MEIS3: variants seen among roughly 807,000 people sequenced by gnomAD.
MEIS3 encodes Meis homeobox 3, also known as homeobox protein Meis3.
In MEIS3, 38 loss-of-function variants were observed where a neutral mutation model predicts 51.4. The observed-to-expected ratio is 0.74, with a 90% CI of 0.57 to 0.97. The LOEUF is 0.97. MEIS3 is among the 50% of genes least tolerant of loss of function. The probability of loss-of-function intolerance (pLI) is 0.00; values close to 1 mark genes in which losing one functional copy is unlikely to be tolerated. For missense variants in MEIS3, 456 were observed against 502.6 expected, an observed-to-expected ratio of 0.91 and a Z score of 0.89; for synonymous variants, 198 against 201.8, an observed-to-expected ratio of 0.98 and a Z score of 0.16.
At chr19:47,420,940 A>ACACTCTCTCTCTCTCTCT (rs1187725467), upstream of MEIS3, among the ~76,000 whole-genome samples, 35 of 90,990 alleles carry the variant, frequency 3.8e-4, no homozygotes, top group African/African-American at 1.9e-3. Flanking sequence ...ACACACACAC[A>ACACTCTCTCTCTCTCTCT]CTCTCTCTCT....
Position 47,417,136 on chromosome 19 carries a change from CAGAG to C in MEIS3, c.185+38_185+41del, listed in dbSNP as rs566975884. 4.7e-4 allele frequency: 712 copies of C among 1,526,260 alleles called. 2 individuals are homozygous for C. Among genetic ancestry groups the C allele is most frequent in the Non-Finnish European group, 1.1e-4 (120 of 1,139,528 alleles). 94.5% of individuals were successfully genotyped at this position (1,526,260 alleles called of 1,614,324 possible). A position where few individuals can be genotyped will look rare whatever the true frequency, so the allele number is the denominator to read the frequency against. On this transcript the variant is annotated intron_variant, in intron 2 of 12. Coordinates refer to ENST00000558555, the MANE Select transcript of MEIS3 (RefSeq NM_001301059.2). ...CCCAGGGAGCAAAGAAGCAGAAAGA[CAGAG>C]AGAGAGAGACAGGAGCCTGAGACCC...
At chr19:47,414,647 T>A in intron 6 of MEIS3, 70 bp downstream of exon 6, 2 of 1,513,800 alleles carry the variant, frequency 1.3e-6, no homozygotes, top group South Asian at 2.5e-5. Flanking sequence ...GTAGTGCACA[T>A]GCGCCCTCAT....
chr19:47,415,882 T>C (rs1169226769), intron 4 of MEIS3: 1 of 152,154 alleles, frequency 6.6e-6, no homozygotes, highest in African/African-American at 2.4e-5. Context: ...CCTCTTTTTC[T>C]TTCTTTCTTT....
At chr19:47,421,325 C>T (rs1184256271), upstream of MEIS3, among the ~76,000 whole-genome samples, 1 of 152,190 alleles carries the variant, frequency 6.6e-6, no homozygotes, top group Non-Finnish European at 1.5e-5. Context: ...TGGGCGATCT[C>T]TCAGCGGACT....
intron 6 of MEIS3, among the ~76,000 whole-genome samples, chr19:47,413,891 C>A (rs182620984): frequency 1.1e-3 from 173 of 151,148 alleles, no homozygotes; most frequent in African/African-American, 3.9e-3. Context: ...CCACACCCAG[C>A]TAATTTTTTT....
chr19:47,411,306 G>A (rs1026750240), intron 6 of MEIS3, among the ~76,000 whole-genome samples: 1 of 152,104 alleles, frequency 6.6e-6, no homozygotes, highest in Non-Finnish European at 1.5e-5. Flanking sequence ...GCAGGGTCTG[G>A]GGCACAACCT....
chr19:47,413,584 T>C (rs942524516), intron 6 of MEIS3, among the ~76,000 whole-genome samples: 1 of 152,048 alleles, frequency 6.6e-6, no homozygotes, highest in Admixed American at 6.6e-5. Flanking sequence ...GCTTTGCCCC[T>C]GTACTCTGTA....
At chr19:47,411,031 G>C (rs1482329398) in intron 6 of MEIS3, among the ~76,000 whole-genome samples, 1 of 152,082 alleles carries the variant, frequency 6.6e-6, no homozygotes, top group African/African-American at 2.4e-5. Flanking sequence ...CTGCCTCCCA[G>C]GTTCACGTGA....
At position 47,406,897 on chromosome 19, in the gene MEIS3, G is replaced by A. The variant is rs1344246147; in HGVS notation, c.1069C>T (p.Arg357Trp). The A allele has an allele frequency of 3.8e-6, 6 of 1,572,234 alleles. No individual in the cohort carries two copies. Among genetic ancestry groups the A allele is most frequent in the Middle Eastern group, 2.0e-4 (1 of 4,936 alleles). The change falls in exon 11 of 13, where the codon CGG becomes TGG. Residue 357 changes from arginine (R) to tryptophan (W), a missense_variant. By Grantham distance (101) the Arg-to-Trp change is moderately radical. Transcript: ENST00000558555. ...YTETQPHVAV[R>W]PPGSVGMSLN... ...AGGGGGCGAGGCTTACCCGGAGGCCGGACGGCCACGTGTGGCTGCGTCTCG... is the reference window on the plus strand; with the variant it reads ...AGGGGGCGAGGCTTACCCGGAGGCCAGACGGCCACGTGTGGCTGCGTCTCG...
chr19:47,420,531 G>GAGAGAC (rs527872712), upstream of MEIS3, among the ~76,000 whole-genome samples: 100 of 141,912 alleles, frequency 7.0e-4, no homozygotes, highest in African/African-American at 2.6e-3. Context: ...CAGAGAGAGA[G>GAGAGAC]AGAGACAGAG....
chr19:47,406,163 G>A (rs1278109594), intron 12 of MEIS3: 4 of 295,010 alleles, frequency 1.4e-5, no homozygotes, highest in African/African-American at 4.4e-5. Context: ...GTAGGTGGGT[G>A]GACTAGGTTT....
rs370819846 is a variant in MEIS3, at chr19:47,414,835, C to T, written c.479G>A (p.Arg160His). Residue 160 changes from arginine (R) to histidine (H), a missense_variant, in exon 6 of 13, where the codon CGC becomes CAC. By Grantham distance (29) the Arg-to-His change is conservative (BLOSUM62 0). Transcript: ENST00000558555. ...VHDLCDNFCHRYITCLKGKMP... is the reference protein window; with the variant it reads ...VHDLCDNFCHHYITCLKGKMP... The stretch of plus-strand genomic sequence containing the variant: ...CTTTCCCTTGAGGCAGGTGATGTAG[C>T]GGTGACAGAAGTTGTCGCACAGGTC... 37 of 1,554,612 alleles carry T rather than the reference C, an allele frequency of 2.4e-5. No homozygotes were observed. Among genetic ancestry groups the T allele is most frequent in the Middle Eastern group, 1.7e-4 (1 of 5,772 alleles).
At chr19:47,421,751 T>C (rs1174723630), upstream of MEIS3, among the ~76,000 whole-genome samples, 2 of 151,760 alleles carry the variant, frequency 1.3e-5, no homozygotes, top group African/African-American at 2.4e-5. Flanking sequence ...CCTGGCTTTT[T>C]TTTTTTTTCT....
Position 47,408,447 on chromosome 19 carries a change from A to C in MEIS3, c.858+652T>G, listed in dbSNP as rs575864746. 2.1e-4 allele frequency among the ~76,000 whole-genome samples: 32 copies of C among 151,968 alleles called. 1 individual carries two copies. Among genetic ancestry groups the C allele is most frequent in the Admixed American group, 1.8e-3 (27 of 15,260 alleles). ...CTCCATTTCTCTCTTTGTGGCTCTC[A>C]CATTCTCTCTCTGACTCACTATCTC... On this transcript the variant is annotated intron_variant, in intron 8 of 12. Coordinates refer to ENST00000558555, the MANE Select transcript of MEIS3 (RefSeq NM_001301059.2).
At chr19:47,404,667 C>T (rs1013192303) in intron 12 of MEIS3, among the ~76,000 whole-genome samples, 1 of 152,146 alleles carries the variant, frequency 6.6e-6, no homozygotes, top group South Asian at 2.1e-4. Context: ...CCAGGCAGCC[C>T]TCCTTGAATC....
At chr19:47,407,466 C>T (rs745984665) in intron 8 of MEIS3, 38 bp from the exon 9 acceptor site, 27 of 1,613,628 alleles carry the variant, frequency 1.7e-5, no homozygotes, top group Non-Finnish European at 2.2e-5. Flanking sequence ...CCTGCCTGGC[C>T]GGCCGCAGTC....
intron 6 of MEIS3, 43 bp from the exon 7 acceptor site, chr19:47,409,590 G>T (rs375013307): frequency 6.9e-7 from 1 of 1,455,164 alleles, no homozygotes; most frequent in Non-Finnish European, 9.6e-7. Flanking sequence ...GCGGCCGGGC[G>T]CAGTGGCTCA....
rs369446113 is a variant in MEIS3, at chr19:47,417,924, CA to C, written c.13-575del. The C allele has an allele frequency of 1.6e-4, 90 of 566,866 alleles. No homozygotes were observed. The African/African-American group carries it at 1.6e-3, about 10-fold the overall frequency. 35.1% of individuals were successfully genotyped at this position (566,866 alleles called of 1,614,324 possible). The stretch of plus-strand genomic sequence containing the variant: ...TCAGTCACACCCAAATCCCCCCCCC[CA>C]CACACACATGCACACACACATGCAC... On this transcript the variant is annotated intron_variant, in intron 1 of 12. Coordinates refer to ENST00000558555, the MANE Select transcript of MEIS3 (RefSeq NM_001301059.2).
chr19:47,417,920 C>CA, intron 1 of MEIS3: 1 of 580,304 alleles, frequency 1.7e-6, no homozygotes, highest in Middle Eastern at 4.5e-4. Context: ...CAAATCCCCC[C>CA]CCCCACACAC....
Sources: gnomAD v4.1 joint callset for allele counts (sites outside exome capture counted in the v4.1 genomes callset) on GRCh38, gnomAD v4.1.1 for gene constraint, MANE v1.5 for transcripts, NCBI Gene and HGNC (gene_info 2026-07-23, HGNC 2026-07-21) for gene names.